HELLS: variants seen among roughly 807,000 people sequenced by gnomAD.
HELLS encodes helicase, lymphoid specific.
HELLS carries 32 observed loss-of-function variants against 120.0 expected under a neutral mutation model. The ratio of observed to expected loss-of-function variants is 0.27; its 90% CI spans 0.20 to 0.36. HELLS has a LOEUF of 0.36. HELLS is among the 10% of genes least tolerant of loss of function. The pLI is 1.00. For synonymous variants in HELLS, 341 were observed against 323.4 expected (o/e 1.05, Z -0.58); for missense variants, 650 against 993.4 (o/e 0.65, Z 4.65).
intron 12 of HELLS, among the ~76,000 whole-genome samples, chr10:94,585,385 G>GT (rs10540229): frequency 2.1e-3 from 252 of 121,950 alleles, no homozygotes; most frequent in African/African-American, 4.1e-3. Context: ...GTTTGTTTTT[G>GT]TTTTTTTTTT....
intron 6 of HELLS, among the ~76,000 whole-genome samples, chr10:94,563,942 C>T (rs1843673038): frequency 6.6e-6 from 1 of 151,878 alleles, no homozygotes; most frequent in Non-Finnish European, 1.5e-5. Flanking sequence ...TCCTGAGTAG[C>T]TGGGATTACA....
intron 4 of HELLS, among the ~76,000 whole-genome samples, chr10:94,559,666 G>A (rs181155753): frequency 3.8e-4 from 57 of 151,686 alleles, no homozygotes; most frequent in African/African-American, 7.7e-4. Context: ...GGCTGGTTTC[G>A]AATTCCTGAC....
chr10:94,562,447 A>G (rs1843605596), intron 4 of HELLS, among the ~76,000 whole-genome samples: 2 of 152,170 alleles, frequency 1.3e-5, no homozygotes, highest in South Asian at 4.1e-4. Flanking sequence ...TAATTTTGAA[A>G]TTTCTCTTCT....
intron 2 of HELLS, among the ~76,000 whole-genome samples, chr10:94,546,971 T>C (rs2134262221): frequency 6.6e-6 from 1 of 152,378 alleles, no homozygotes; most frequent in Admixed American, 6.5e-5. Flanking sequence ...ACTGTAGTGC[T>C]GTTTTCCACC....
chr10:94,552,500 G>A (rs960811251), intron 2 of HELLS, among the ~76,000 whole-genome samples: 1 of 152,192 alleles, frequency 6.6e-6, no homozygotes, highest in African/African-American at 2.4e-5. Context: ...TCAGGATTTA[G>A]ATAGTACTGT....
intron 4 of HELLS, among the ~76,000 whole-genome samples, chr10:94,559,710 C>T (rs1234518256): frequency 6.6e-6 from 1 of 151,816 alleles, no homozygotes; most frequent in East Asian, 2.0e-4. Flanking sequence ...TCCCAAAGTG[C>T]TAGGATTACA....
intron 12 of HELLS, among the ~76,000 whole-genome samples, chr10:94,584,602 C>T (rs1845029920): frequency 1.3e-5 from 2 of 152,150 alleles, no homozygotes; most frequent in East Asian, 3.9e-4. Context: ...TAATTAGAGT[C>T]AAGACAATGA....
At chr10:94,560,712 A>C (rs1417423055) in intron 4 of HELLS, among the ~76,000 whole-genome samples, 1 of 151,720 alleles carries the variant, frequency 6.6e-6, no homozygotes, top group South Asian at 2.1e-4. Context: ...AAATAAATAA[A>C]TAAATACATA....
chr10:94,555,085 G>T (rs542986952), intron 3 of HELLS, among the ~76,000 whole-genome samples: 2 of 152,250 alleles, frequency 1.3e-5, no homozygotes, highest in Admixed American at 1.3e-4. Context: ...TGAGGCTGCA[G>T]TGAACTGTGA....
intron 13 of HELLS, 80 bp from the exon 14 acceptor site, chr10:94,590,333 A>G (rs1845421439): frequency 1.4e-5 from 16 of 1,181,348 alleles, no homozygotes; most frequent in Middle Eastern, 2.3e-4. Context: ...TGTACATAAA[A>G]TATGCCTTAT....
intron 12 of HELLS, among the ~76,000 whole-genome samples, chr10:94,583,525 T>G (rs936284526): frequency 2.0e-5 from 3 of 152,148 alleles, no homozygotes. Context: ...TTAGCAATTT[T>G]ATTCAAAGTC....
intron 8 of HELLS, among the ~76,000 whole-genome samples, chr10:94,607,736 T>G (rs1017051654): frequency 6.6e-6 from 1 of 152,070 alleles, no homozygotes; most frequent in African/African-American, 2.4e-5. Flanking sequence ...TTTTGTCTTG[T>G]TTTTTTGAGA....
At chr10:94,562,637 A>G (rs934850772) in intron 4 of HELLS, 54 bp from the exon 5 acceptor site, 1 of 1,245,604 alleles carries the variant, frequency 8.0e-7, no homozygotes, top group South Asian at 1.3e-5. Context: ...CTTTTAACGT[A>G]TAATACTATG....
intron 6 of HELLS, chr10:94,570,816 G>A (rs1160195957): frequency 6.6e-6 from 1 of 151,970 alleles, no homozygotes; most frequent in Non-Finnish European, 1.5e-5. Context: ...TATCCACAGA[G>A]GCCTAAAGTG....
chr10:94,577,009 T>G, intron 10 of HELLS: 1 of 601,304 alleles, frequency 1.7e-6, no homozygotes, highest in Non-Finnish European at 2.9e-6. Flanking sequence ...AACAATATAA[T>G]TAAAGCTTAT....
intron 10 of HELLS, 174 bp downstream of exon 10, chr10:94,576,979 G>A (rs1844523171): frequency 1.6e-6 from 1 of 608,212 alleles, no homozygotes; most frequent in Non-Finnish European, 2.9e-6. Context: ...AGAATGATTG[G>A]GATGAAGGCC....
intron 12 of HELLS, among the ~76,000 whole-genome samples, chr10:94,585,344 TAATA>T (rs1845070949): frequency 6.6e-6 from 1 of 150,714 alleles, no homozygotes; most frequent in African/African-American, 2.4e-5. Flanking sequence ...AAAGTATAAC[TAATA>T]GTTTTTTTGT....
At chr10:94,604,140 T>TG (rs1846100263), downstream of HELLS, among the ~76,000 whole-genome samples, 1 of 151,684 alleles carries the variant, frequency 6.6e-6, no homozygotes, top group Admixed American at 6.6e-5. Flanking sequence ...TTTTTTTTTT[T>TG]TTTATAAACA....
intron 3 of HELLS, among the ~76,000 whole-genome samples, chr10:94,555,368 C>T (rs1386401331): frequency 3.9e-5 from 6 of 151,948 alleles, no homozygotes; most frequent in East Asian, 1.9e-4. Flanking sequence ...ACCCAGGAGG[C>T]GGAGGTTGCA....
Sources: allele counts gnomAD v4.1 joint callset (sites outside exome capture counted in the v4.1 genomes callset), GRCh38; gene constraint gnomAD v4.1.1; transcripts MANE v1.5; gene names NCBI Gene and HGNC (gene_info 2026-07-23, HGNC 2026-07-21).